The following NLGN1 variants were observed in gnomAD, a reference collection of about 807,000 sequenced individuals.
NLGN1 encodes the protein neuroligin 1, also known as neuroligin-1.
Under a neutral mutation model 65.5 loss-of-function variants are expected in NLGN1, and 12 were observed. The observed-to-expected ratio is 0.18, with a 90% CI of 0.12 to 0.30. The LOEUF is 0.30. Ranked by LOEUF, NLGN1 falls within the 10% of genes least tolerant of loss-of-function variation. The probability of loss-of-function intolerance (pLI) is 1.00; values close to 1 mark genes in which losing one functional copy is unlikely to be tolerated. For missense variants in NLGN1, 750 were observed against 1,007.1 expected (o/e 0.74, Z 3.46); for synonymous variants, 350 against 359.5 (o/e 0.97, Z 0.30).
At chr3:174,282,364 G>A (rs9855544) in exon 7 of NLGN1, 18,276 of 151,954 alleles carry the variant, frequency 0.12, 1,695 homozygotes, top group East Asian at 0.54. Flanking sequence ...GGATGCCCCC[G>A]TATTACCACT....
At chr3:173,418,085 T>A (rs937815624) in intron 1 of NLGN1, among the ~76,000 whole-genome samples, 3 of 150,996 alleles carry the variant, frequency 2.0e-5, no homozygotes, top group Admixed American at 2.0e-4. Flanking sequence ...TATATATACA[T>A]AAATAAAATA....
chr3:173,957,950 G>A (rs1712523840), intron 4 of NLGN1, among the ~76,000 whole-genome samples: 1 of 152,122 alleles, frequency 6.6e-6, no homozygotes, highest in Non-Finnish European at 1.5e-5. Flanking sequence ...TGAGTGTTGG[G>A]TCCAGCCACT....
At chr3:173,679,262 A>G (rs1763603252) in intron 3 of NLGN1, among the ~76,000 whole-genome samples, 2 of 152,004 alleles carry the variant, frequency 1.3e-5, no homozygotes, top group Non-Finnish European at 2.9e-5. Context: ...TAAAAAATGA[A>G]AAAAAAAGAT....
intron 4 of NLGN1, among the ~76,000 whole-genome samples, chr3:174,061,202 G>A (rs551894682): frequency 6.6e-6 from 1 of 152,172 alleles, no homozygotes; most frequent in East Asian, 1.9e-4. Flanking sequence ...AGAAAGTTGG[G>A]AGCCAATGAG....
chr3:173,559,178 G>A (rs571381672), intron 2 of NLGN1, among the ~76,000 whole-genome samples: 2 of 152,224 alleles, frequency 1.3e-5, no homozygotes, highest in Non-Finnish European at 2.9e-5. Flanking sequence ...AAGGTGCTTG[G>A]AATACACTGT....
At chr3:173,867,768 T>C (rs1419557710) in intron 4 of NLGN1, among the ~76,000 whole-genome samples, 1 of 152,122 alleles carries the variant, frequency 6.6e-6, no homozygotes, top group Non-Finnish European at 1.5e-5. Context: ...AAAAATCACC[T>C]GAAGAGGCAA....
intron 2 of NLGN1, among the ~76,000 whole-genome samples, chr3:173,464,654 C>T (rs1037138915): frequency 7.9e-5 from 12 of 152,022 alleles, no homozygotes; most frequent in Middle Eastern, 3.2e-3. Flanking sequence ...AGGCTGCTCT[C>T]GAACTCCCGA....
chr3:173,691,786 C>CAGCTGTTTTGG (rs1347349409), intron 3 of NLGN1, among the ~76,000 whole-genome samples: 1 of 151,762 alleles, frequency 6.6e-6, no homozygotes, highest in Non-Finnish European at 1.5e-5. Context: ...CTTCCAAAAC[C>CAGCTGTTTTGG]AAAGAAAATG....
chr3:173,944,861 T>G (rs1387304889), intron 4 of NLGN1, among the ~76,000 whole-genome samples: 1 of 152,174 alleles, frequency 6.6e-6, no homozygotes, highest in Non-Finnish European at 1.5e-5. Context: ...TCAGTAATCA[T>G]GATTTGTATA....
At chr3:173,543,986 A>G (rs755865793) in intron 2 of NLGN1, among the ~76,000 whole-genome samples, 3 of 152,168 alleles carry the variant, frequency 2.0e-5, no homozygotes. Flanking sequence ...AGTGATATAT[A>G]GAAGCCAGGC....
intron 4 of NLGN1, among the ~76,000 whole-genome samples, chr3:173,974,203 A>G (rs1420579870): frequency 4.0e-5 from 6 of 151,188 alleles, no homozygotes; most frequent in Non-Finnish European, 7.4e-5. Flanking sequence ...TTAGAAGGGT[A>G]TTTGATGAAA....
chr3:173,660,841 T>A lies in NLGN1; in HGVS notation c.493+55750T>A, dbSNP rs1390207657. Among the ~76,000 whole-genome samples, 5 of 152,110 alleles carry A rather than the reference T, an allele frequency of 3.3e-5. No homozygotes were observed. In the East Asian group the frequency reaches 9.7e-4, roughly 29 times the overall value. On this transcript the variant is annotated intron_variant, in intron 3 of 6. Coordinates refer to ENST00000457714, the Ensembl canonical transcript of NLGN1. ...TTATCTAAGTGTTCCCAACCCATCC[T>A]CTTCACATTATACTTGGATGCACCA...
rs557894994 is a variant in NLGN1, at chr3:173,986,938, CTTCCTT to C, written c.646+179108_646+179113del. Among the ~76,000 whole-genome samples the C allele has an allele frequency of 4.5e-3, 688 of 152,288 alleles. 5 individuals carry two copies. The highest frequency in any genetic ancestry group is 8.0e-3 in the Non-Finnish European group (542 of 68,018). ...ATTTCTTAATGACATTTTGGTGAAT[CTTCCTT>C]TACTGTTCTAGTGTATTTTGTTTCA... On this transcript the variant is annotated intron_variant, in intron 4 of 6. Transcript: ENST00000457714.
intron 3 of NLGN1, chr3:173,789,832 G>T (rs776201700): frequency 2.0e-6 from 1 of 506,264 alleles, no homozygotes; most frequent in South Asian, 1.4e-5. Flanking sequence ...TATTTGAATA[G>T]AACACATTTT....
At chr3:173,641,861 A>G (rs1433998314) in intron 3 of NLGN1, among the ~76,000 whole-genome samples, 1 of 152,158 alleles carries the variant, frequency 6.6e-6, no homozygotes, top group Non-Finnish European at 1.5e-5. Context: ...TGTTGTTTAC[A>G]TATTATGTAT....
chr3:174,161,486 T>G (rs1478303451), intron 4 of NLGN1, among the ~76,000 whole-genome samples: 9 of 151,858 alleles, frequency 5.9e-5, no homozygotes, highest in Admixed American at 1.3e-4. Context: ...AGAAAGCTAA[T>G]CACTGAGACA....
At chr3:174,086,269 T>A (rs1004730504) in intron 4 of NLGN1, among the ~76,000 whole-genome samples, 2 of 147,656 alleles carry the variant, frequency 1.4e-5, no homozygotes, top group Admixed American at 6.8e-5. Flanking sequence ...ATATATATAT[T>A]TATGTATGTG....
chr3:173,829,476 T>C (rs1722026949), intron 4 of NLGN1, among the ~76,000 whole-genome samples: 1 of 133,242 alleles, frequency 7.5e-6, no homozygotes, highest in Non-Finnish European at 1.7e-5. Context: ...ATATACATTG[T>C]GTACTGATTA....
At chr3:174,266,578 G>A (rs999471089) in intron 4 of NLGN1, among the ~76,000 whole-genome samples, 3 of 152,148 alleles carry the variant, frequency 2.0e-5, no homozygotes, top group African/African-American at 4.8e-5. Flanking sequence ...ATACCCGGTA[G>A]TGGGATTGCT....
Sources: gnomAD v4.1 joint callset for allele counts (sites outside exome capture counted in the v4.1 genomes callset) on GRCh38, gnomAD v4.1.1 for gene constraint, MANE v1.5 for transcripts, NCBI Gene and HGNC (gene_info 2026-07-23, HGNC 2026-07-21) for gene names.